Variants in TBC1D2 observed in about 807,000 individuals in gnomAD.
The protein encoded by TBC1D2 is TBC1 domain family member 2A.
A neutral mutation model predicts 91.1 loss-of-function variants in TBC1D2; 58 were observed. That is an observed-to-expected ratio of 0.64 (90% confidence interval 0.52 to 0.79). The LOEUF (loss-of-function observed/expected upper bound fraction) is 0.79. TBC1D2 is among the 30% of genes least tolerant of loss of function. The probability of loss-of-function intolerance (pLI) is 0.00; values close to 1 mark genes in which losing one functional copy is unlikely to be tolerated. For synonymous variants in TBC1D2, 482 were observed against 511.5 expected (o/e 0.94, Z 0.78); for missense variants, 1,080 against 1,208.3 (o/e 0.89, Z 1.57).
In TBC1D2 at chr9:98,199,409, C is replaced by T; in HGVS notation, c.2759G>A (p.Ser920Asn). 2 of 1,613,654 alleles carry T rather than the reference C, an allele frequency of 1.2e-6. No homozygotes were observed. Among genetic ancestry groups the T allele is most frequent in the Non-Finnish European group, 1.7e-6 (2 of 1,179,976 alleles). The change falls in exon 13 of 13, where the codon AGC becomes AAC. Residue 920 changes from serine to asparagine, a missense_variant. Ser to Asn is a conservative substitution (Grantham distance 46). Transcript: ENST00000465784. Reference sequence around the variant, plus strand: ...GGCTTCCCCCTCCACCTCGTCCTCGCTGGCACAGCCCTCGGACACAGCTCT... The same window carrying T: ...GGCTTCCCCCTCCACCTCGTCCTCGTTGGCACAGCCCTCGGACACAGCTCT... ...RRRAVSEGCA[S>N]EDEVEGEA
intron 3 of TBC1D2, among the ~76,000 whole-genome samples, chr9:98,238,062 C>T (rs566087777): frequency 7.3e-6 from 1 of 137,850 alleles, no homozygotes; most frequent in Non-Finnish European, 1.5e-5. Flanking sequence ...TGCTACCATG[C>T]CCAGCTAATT....
chr9:98,245,934 A>C (rs1829755574), intron 2 of TBC1D2, among the ~76,000 whole-genome samples: 1 of 152,226 alleles, frequency 6.6e-6, no homozygotes, highest in Admixed American at 6.5e-5. Context: ...TAAGGTTAAT[A>C]CTGGCTGCCT....
chr9:98,218,242 CAG>C lies in TBC1D2; in HGVS notation c.1374+2589_1374+2590del, dbSNP rs548478781. Among the ~76,000 whole-genome samples, 135 of 152,196 alleles carry C rather than the reference CAG, an allele frequency of 8.9e-4. 1 individual carries two copies. The highest frequency in any genetic ancestry group is 3.1e-3 in the African/African-American group (128 of 41,552). On this transcript the variant is annotated intron_variant, in intron 6 of 12. Transcript: ENST00000465784. ...TCTTGGTTAATGTGAATCACATACCCAGAGTCTCCATGTAGCTGAGCTCACTG... is the reference window on the plus strand; with the variant it reads ...TCTTGGTTAATGTGAATCACATACCCAGTCTCCATGTAGCTGAGCTCACTG...
At chr9:98,212,444 A>G (rs922844181) in intron 7 of TBC1D2, among the ~76,000 whole-genome samples, 4 of 151,864 alleles carry the variant, frequency 2.6e-5, no homozygotes, top group Non-Finnish European at 2.9e-5. Context: ...TCCTCCAGGA[A>G]GCCCTCCCTG....
At chr9:98,214,042 C>G (rs1045940803) in intron 6 of TBC1D2, among the ~76,000 whole-genome samples, 4 of 152,222 alleles carry the variant, frequency 2.6e-5, no homozygotes, top group African/African-American at 9.6e-5. Flanking sequence ...ATGGACATTA[C>G]AGAAGCCGTT....
At chr9:98,217,181 C>A (rs1180150555) in intron 6 of TBC1D2, among the ~76,000 whole-genome samples, 1 of 152,186 alleles carries the variant, frequency 6.6e-6, no homozygotes, top group East Asian at 1.9e-4. Context: ...ACCTTGAGTG[C>A]TCGTCTTGGC....
intron 8 of TBC1D2, 100 bp downstream of exon 8, chr9:98,210,556 G>A: frequency 8.5e-7 from 1 of 1,176,410 alleles, no homozygotes; most frequent in Non-Finnish European, 1.2e-6. Context: ...AGGTAGTGCT[G>A]TGTAGGACTT....
Position 98,199,590 on chromosome 9 carries a change from T to A in TBC1D2, c.2580-2A>T. 2.5e-6 allele frequency: 4 copies of A among 1,613,858 alleles called. No individual in the cohort carries two copies. On this transcript the variant is annotated splice_acceptor_variant, in intron 12 of 12. Coordinates refer to ENST00000465784, the MANE Select transcript of TBC1D2 (RefSeq NM_001267571.2). LOFTEE classifies it high-confidence loss of function. ...TTGAAGGCGATGTTCATCAGCTTCC[T>A]GGGAGGAGGGCACAATCAGCCCAGA...
At chr9:98,210,400 G>A (rs191724809) in intron 8 of TBC1D2, among the ~76,000 whole-genome samples, 5 of 152,320 alleles carry the variant, frequency 3.3e-5, no homozygotes, top group African/African-American at 1.2e-4. Flanking sequence ...CCACATTTGG[G>A]AGGCAGCCTA....
At chr9:98,226,009 A>G (rs1046289202) in intron 5 of TBC1D2, among the ~76,000 whole-genome samples, 4 of 152,196 alleles carry the variant, frequency 2.6e-5, no homozygotes, top group African/African-American at 9.6e-5. Flanking sequence ...AGCTCCTGGG[A>G]TTCCAGGTGC....
Position 98,200,181 on chromosome 9 carries a change from C to G in TBC1D2, c.2579+72G>C, listed in dbSNP as rs968057019. The G allele has an allele frequency of 3.2e-6, 5 of 1,586,916 alleles. No homozygotes were observed. In the African/African-American group the frequency reaches 6.7e-5, roughly 21 times the overall value. ...TTACCAATCTCTACTTGGCAAACAT[C>G]AGCCTCCCCTCTGCTATGTGTCCTT... On this transcript the variant is annotated intron_variant, in intron 12 of 12. Transcript: ENST00000465784.
In TBC1D2 at chr9:98,233,463, T is replaced by A. The variant is rs767385150; in HGVS notation, c.734A>T (p.Glu245Val). 45 of 1,614,040 alleles carry A rather than the reference T, an allele frequency of 2.8e-5. No individual in the cohort carries two copies. The highest frequency in any genetic ancestry group is 3.1e-5 in the Non-Finnish European group (36 of 1,180,016). Residue 245 changes from glutamate to valine, a missense_variant, in exon 4 of 13, where the codon GAG becomes GTG. Physicochemically the swap from Glu to Val is moderately radical, Grantham distance 121. Coordinates refer to ENST00000465784, the MANE Select transcript of TBC1D2 (RefSeq NM_001267571.2). ...PPGEDSPQSGEPQREEQPLAS... is the reference protein window; with the variant it reads ...PPGEDSPQSGVPQREEQPLAS... The stretch of plus-strand genomic sequence containing the variant: ...CAAGGGCTGCTCCTCCCTCTGAGGC[T>A]CCCCACTCTGTGGAGAATCTTCCCC...
At chr9:98,224,206 A>AGT (rs1564246562) in intron 5 of TBC1D2, among the ~76,000 whole-genome samples, 1 of 134,324 alleles carries the variant, frequency 7.4e-6, no homozygotes. Context: ...CAAAAAAAAA[A>AGT]AAAAGAAAAG....
chr9:98,244,694 C>T, intron 2 of TBC1D2, among the ~76,000 whole-genome samples: 1 of 143,552 alleles, frequency 7.0e-6, no homozygotes, highest in Non-Finnish European at 1.5e-5. Flanking sequence ...GGCAGACCTA[C>T]AGTTAATTCT....
rs771521140 is a variant in TBC1D2 at position 98,229,075 on chromosome 9, C to G, written c.855G>C (p.Lys285Asn). The G allele has an allele frequency of 2.5e-6, 4 of 1,614,098 alleles. No individual in the cohort carries two copies. The African/African-American group carries it at 5.3e-5, about 22-fold the overall frequency. The stretch of plus-strand genomic sequence containing the variant: ...AGAATGGGAAGGTGTTGTTCTGGCG[C>G]TTGGCTTTCTGAGCGAAACTGATGG... ...SLTISFAQKA[K>N]RQNNTFPFFS... Residue 285 changes from lysine to asparagine, a missense_variant, in exon 5 of 13, where the codon AAG (lysine) becomes AAC (asparagine). Lys to Asn is a moderately conservative substitution (Grantham distance 94, BLOSUM62 0). Transcript: ENST00000465784.
chr9:98,242,208 G>A (rs1383227695), intron 3 of TBC1D2, among the ~76,000 whole-genome samples: 1 of 152,102 alleles, frequency 6.6e-6, no homozygotes, highest in Non-Finnish European at 1.5e-5. Context: ...TTGGGAGGCC[G>A]AGGTGGGCAA....
chr9:98,226,952 T>TG (rs545716909), intron 5 of TBC1D2, among the ~76,000 whole-genome samples: 2 of 152,244 alleles, frequency 1.3e-5, no homozygotes, highest in African/African-American at 2.4e-5. Flanking sequence ...CTAGGTTTCC[T>TG]GGGGCCTTTC....
At chr9:98,213,544 G>T in intron 6 of TBC1D2, 1 of 466,194 alleles carries the variant, frequency 2.1e-6, no homozygotes, top group Non-Finnish European at 3.2e-6. Flanking sequence ...TAACCTACTG[G>T]GCAGTTGGGA....
intron 9 of TBC1D2, 38 bp downstream of exon 9, chr9:98,208,630 G>C: frequency 6.6e-7 from 1 of 1,508,156 alleles, no homozygotes; most frequent in Non-Finnish European, 8.9e-7. Context: ...CGCTCCAAAA[G>C]GTAAAGATCA....
Sources: gnomAD v4.1 joint callset for allele counts (sites outside exome capture counted in the v4.1 genomes callset) on GRCh38, gnomAD v4.1.1 for gene constraint, MANE v1.5 for transcripts, NCBI Gene and HGNC (gene_info 2026-07-23, HGNC 2026-07-21) for gene names.